The following PPFIA2 variants were observed in gnomAD, a reference collection of about 807,000 sequenced individuals.
PPFIA2 encodes liprin-alpha-2.
In PPFIA2, 46 loss-of-function variants were observed where a neutral mutation model predicts 175.5. That is an observed-to-expected ratio of 0.26 (90% CI 0.21 to 0.34). PPFIA2 has a LOEUF of 0.34. PPFIA2 is among the 10% of genes least tolerant of loss of function. The pLI, the probability that PPFIA2 is intolerant of heterozygous loss-of-function variation, is 1.00. For missense variants in PPFIA2, 1,179 were observed against 1,506.1 expected, an observed-to-expected ratio of 0.78 and a Z score of 3.60; for synonymous variants, 568 against 511.4, an observed-to-expected ratio of 1.11 and a Z score of -1.49.
chr12:81,656,518 A>G (rs2067817848), intron 4 of PPFIA2, among the ~76,000 whole-genome samples: 1 of 152,142 alleles, frequency 6.6e-6, no homozygotes, highest in Non-Finnish European at 1.5e-5. Flanking sequence ...TCAAGAAAAT[A>G]AATAAAAATA....
At chr12:81,266,834 A>C (rs999143564) in intron 30 of PPFIA2, 118 bp downstream of exon 30, 1 of 747,736 alleles carries the variant, frequency 1.3e-6, no homozygotes, top group Non-Finnish European at 2.3e-6. Flanking sequence ...AAAATTATTG[A>C]TTCTAACCAT....
intron 3 of PPFIA2, among the ~76,000 whole-genome samples, chr12:81,703,977 A>T (rs573965019): frequency 1.3e-5 from 2 of 152,136 alleles, no homozygotes; most frequent in East Asian, 3.9e-4. Context: ...TTGTTCCTTC[A>T]TTGAATTAAG....
chr12:81,706,343 A>T (rs2077136639), intron 3 of PPFIA2, among the ~76,000 whole-genome samples: 1 of 152,194 alleles, frequency 6.6e-6, no homozygotes, highest in Non-Finnish European at 1.5e-5. Flanking sequence ...TATATTACAT[A>T]TTTTCAATTA....
chr12:81,288,338 T>G (rs1190922408), intron 24 of PPFIA2, among the ~76,000 whole-genome samples: 1 of 151,820 alleles, frequency 6.6e-6, no homozygotes, highest in Non-Finnish European at 1.5e-5. Context: ...TATCTGACAA[T>G]GAGAGCCTCT....
chr12:81,474,250 G>T (rs998856855), intron 4 of PPFIA2, among the ~76,000 whole-genome samples: 16 of 152,092 alleles, frequency 1.1e-4, no homozygotes, highest in Admixed American at 6.6e-4. Flanking sequence ...TCCACCTCCC[G>T]GTTTCAAGCA....
At chr12:81,731,244 G>A (rs777350952) in intron 3 of PPFIA2, among the ~76,000 whole-genome samples, 8 of 151,628 alleles carry the variant, frequency 5.3e-5, no homozygotes, top group Non-Finnish European at 7.4e-5. Flanking sequence ...GAACTCAGCA[G>A]TTAAAGGAAG....
chr12:81,641,451 C>A (rs187110431), intron 4 of PPFIA2, among the ~76,000 whole-genome samples: 1 of 152,184 alleles, frequency 6.6e-6, no homozygotes, highest in South Asian at 2.1e-4. Context: ...CTAACCTGTC[C>A]GGTGATTGAC....
At chr12:81,365,521 A>G (rs571170738) in intron 14 of PPFIA2, among the ~76,000 whole-genome samples, 36 of 151,810 alleles carry the variant, frequency 2.4e-4, no homozygotes, top group African/African-American at 8.7e-4. Context: ...AGCTTTGGAT[A>G]ACATAACATG....
At chr12:81,702,444 C>G (rs1162885122) in intron 3 of PPFIA2, among the ~76,000 whole-genome samples, 1 of 152,142 alleles carries the variant, frequency 6.6e-6, no homozygotes, top group Non-Finnish European at 1.5e-5. Flanking sequence ...TCAATCTTGT[C>G]TATATCACCA....
At chr12:81,678,361 C>T (rs1457218967) in intron 3 of PPFIA2, among the ~76,000 whole-genome samples, 36 of 151,798 alleles carry the variant, frequency 2.4e-4, no homozygotes, top group African/African-American at 8.0e-4. Flanking sequence ...AAAGGGAGGA[C>T]TCTTAATAAT....
intron 4 of PPFIA2, among the ~76,000 whole-genome samples, chr12:81,495,798 C>G (rs192643544): frequency 1.6e-4 from 25 of 152,278 alleles, no homozygotes; most frequent in African/African-American, 5.5e-4. Flanking sequence ...CTGGGCAACA[C>G]AGTAAGATCC....
intron 4 of PPFIA2, among the ~76,000 whole-genome samples, chr12:81,660,439 G>C (rs1230266710): frequency 6.6e-6 from 1 of 152,180 alleles, no homozygotes; most frequent in Non-Finnish European, 1.5e-5. Flanking sequence ...CTGGAAGAAA[G>C]GGTATCAGCG....
At chr12:81,671,650 C>A (rs2071441927) in intron 4 of PPFIA2, among the ~76,000 whole-genome samples, 1 of 151,902 alleles carries the variant, frequency 6.6e-6, no homozygotes, top group Non-Finnish European at 1.5e-5. Flanking sequence ...AGTACAAATT[C>A]CTTCCATGTA....
chr12:81,379,543 T>C (rs2037169194), intron 9 of PPFIA2, among the ~76,000 whole-genome samples: 1 of 152,164 alleles, frequency 6.6e-6, no homozygotes, highest in South Asian at 2.1e-4. Flanking sequence ...AAATTTTAGC[T>C]ACTGGCACAG....
At chr12:81,543,454 T>C (rs932261189) in intron 4 of PPFIA2, among the ~76,000 whole-genome samples, 1 of 151,998 alleles carries the variant, frequency 6.6e-6, no homozygotes, top group African/African-American at 2.4e-5. Flanking sequence ...ACTTAAAGGA[T>C]AAAACAAATA....
chr12:81,602,388 T>C (rs1224941468), intron 4 of PPFIA2, among the ~76,000 whole-genome samples: 2 of 151,900 alleles, frequency 1.3e-5, no homozygotes, highest in African/African-American at 2.4e-5. Context: ...TTCAGTTTTG[T>C]AGATTTATTG....
intron 4 of PPFIA2, among the ~76,000 whole-genome samples, chr12:81,651,180 AT>A (rs1341411391): frequency 2.0e-5 from 3 of 152,200 alleles, no homozygotes; most frequent in South Asian, 2.1e-4. Flanking sequence ...GATCTTCAGC[AT>A]AGGGGACATT....
At chr12:81,652,831 C>T (rs903198892) in intron 4 of PPFIA2, among the ~76,000 whole-genome samples, 3 of 152,054 alleles carry the variant, frequency 2.0e-5, no homozygotes, top group African/African-American at 4.8e-5. Context: ...AATTCACCTA[C>T]GCCAAACTAA....
chr12:81,418,802 T>C (rs1289237196), intron 7 of PPFIA2, among the ~76,000 whole-genome samples: 1 of 151,950 alleles, frequency 6.6e-6, no homozygotes, highest in African/African-American at 2.4e-5. Context: ...TTCCTTCACA[T>C]AAGTACAAAG....
Sources: allele counts gnomAD v4.1 joint callset (sites outside exome capture counted in the v4.1 genomes callset), GRCh38; gene constraint gnomAD v4.1.1; transcripts MANE v1.5; gene names NCBI Gene and HGNC (gene_info 2026-07-23, HGNC 2026-07-21).